The following DPP10 variants were observed in gnomAD, a reference collection of about 807,000 sequenced individuals.
DPP10 encodes dipeptidyl peptidase like 10.
DPP10 carries 33 observed loss-of-function variants against 120.9 expected under a neutral mutation model. The ratio of observed to expected loss-of-function variants is 0.27; its 90% CI spans 0.21 to 0.37. DPP10 has a LOEUF of 0.37. DPP10 is among the 10% of genes least tolerant of loss of function. The pLI, the probability that DPP10 is intolerant of heterozygous loss-of-function variation, is 1.00. For synonymous variants in DPP10, 337 were observed against 326.1 expected (o/e 1.03, Z -0.36); for missense variants, 816 against 942.8 (o/e 0.87, Z 1.76).
chr2:115,095,416 TGAGG>T (rs1709636069), intron 1 of DPP10, among the ~76,000 whole-genome samples: 1 of 152,106 alleles, frequency 6.6e-6, no homozygotes, highest in Non-Finnish European at 1.5e-5. Context: ...TTGGAGCAGG[TGAGG>T]GCAGTGGAGC....
At chr2:115,565,418 T>C (rs533816097) in intron 5 of DPP10, among the ~76,000 whole-genome samples, 21 of 152,322 alleles carry the variant, frequency 1.4e-4, no homozygotes, top group African/African-American at 5.1e-4. Context: ...TGTTTATTTA[T>C]CAATGGCATT....
chr2:115,707,460 A>T (rs372154166), intron 7 of DPP10, among the ~76,000 whole-genome samples: 28 of 140,622 alleles, frequency 2.0e-4, no homozygotes, highest in African/African-American at 6.3e-4. Context: ...ACACACACAC[A>T]CACTCTCTCC....
chr2:115,697,247 TATAA>T (rs573156379), intron 7 of DPP10, among the ~76,000 whole-genome samples: 140 of 152,098 alleles, frequency 9.2e-4, no homozygotes, highest in Non-Finnish European at 1.6e-3. Context: ...TTACTTTAAA[TATAA>T]ATAGATTAAA....
Position 114,678,360 on chromosome 2 carries a change from C to A in DPP10, c.60+235522C>A, listed in dbSNP as rs183870340. ...TCCCTAAATATTGCTTTCACTCTAA[C>A]CCTATATTTCCATAGGAGTTTTTGT... On this transcript the variant is annotated intron_variant, in intron 1 of 25. Coordinates refer to ENST00000410059, the MANE Select transcript of DPP10 (RefSeq NM_020868.6). Among the ~76,000 whole-genome samples, 13 of 152,074 alleles carry A rather than the reference C, an allele frequency of 8.5e-5. No homozygotes were observed. In the East Asian group the frequency reaches 2.5e-3, roughly 30 times the overall value.
intron 3 of DPP10, among the ~76,000 whole-genome samples, chr2:115,375,541 G>A (rs148485685): frequency 0.013 from 1,917 of 152,242 alleles, 38 homozygotes; most frequent in African/African-American, 0.043. Flanking sequence ...CAGTTCCAAA[G>A]TCACTTCCAC....
chr2:115,613,364 T>C (rs529395149), intron 5 of DPP10, among the ~76,000 whole-genome samples: 2 of 152,358 alleles, frequency 1.3e-5, no homozygotes, highest in Non-Finnish European at 2.9e-5. Flanking sequence ...TAGTGTTTCC[T>C]GATTTTTATA....
At chr2:114,672,575 G>T (rs1188629880) in intron 1 of DPP10, among the ~76,000 whole-genome samples, 1 of 152,208 alleles carries the variant, frequency 6.6e-6, no homozygotes, top group Non-Finnish European at 1.5e-5. Context: ...GGCAAGAAAT[G>T]AGAAGGATGT....
chr2:115,069,856 CTA>C (rs985177047), intron 1 of DPP10, among the ~76,000 whole-genome samples: 2 of 150,910 alleles, frequency 1.3e-5, no homozygotes, highest in East Asian at 3.9e-4. Context: ...TCAGGTCTAT[CTA>C]TATATATATG....
intron 1 of DPP10, among the ~76,000 whole-genome samples, chr2:114,661,200 A>G (rs1697377020): frequency 6.6e-6 from 1 of 152,348 alleles, no homozygotes; most frequent in East Asian, 1.9e-4. Context: ...CTAAAATAAT[A>G]TGAATGGCTT....
At chr2:114,907,283 G>A (rs950273105) in intron 1 of DPP10, among the ~76,000 whole-genome samples, 4 of 151,562 alleles carry the variant, frequency 2.6e-5, no homozygotes, top group Admixed American at 2.6e-4. Flanking sequence ...TTTCTCTATT[G>A]TTTTTCTTTT....
rs1690247621 is a variant in DPP10 at position 115,842,400 on chromosome 2, A to G, written c.*55A>G. 6.4e-7 allele frequency: 1 copy of G among 1,569,896 alleles called. No homozygotes were observed. On this transcript the variant is annotated 3_prime_UTR_variant, in exon 26 of 26. Transcript: ENST00000410059. ...ATATTGAGGCTCAATGAAACCTGAC[A>G]AAGAGACTGTAATATTGTAGTTGCT...
intron 1 of DPP10, among the ~76,000 whole-genome samples, chr2:114,545,582 T>C (rs1230198579): frequency 2.0e-5 from 3 of 152,244 alleles, no homozygotes; most frequent in Non-Finnish European, 4.4e-5. Context: ...GGGATTTAGA[T>C]AAAACTTTCT....
intron 5 of DPP10, among the ~76,000 whole-genome samples, chr2:115,598,355 G>A (rs1166760433): frequency 6.6e-6 from 1 of 150,934 alleles, no homozygotes; most frequent in Non-Finnish European, 1.5e-5. Context: ...TCATTTTTTG[G>A]TCCTCTGATC....
chr2:115,485,755 T>C (rs1168010431), intron 3 of DPP10, among the ~76,000 whole-genome samples: 1 of 152,142 alleles, frequency 6.6e-6, no homozygotes, highest in Non-Finnish European at 1.5e-5. Flanking sequence ...ACAACAAAAT[T>C]CTTCAATACT....
intron 1 of DPP10, chr2:114,835,381 A>G (rs920682812): frequency 3.3e-5 from 5 of 152,042 alleles, no homozygotes; most frequent in Admixed American, 6.6e-5. Context: ...CTACACACCT[A>G]TTTATATATA....
At chr2:115,108,372 G>A (rs1231438673) in intron 1 of DPP10, among the ~76,000 whole-genome samples, 1 of 152,076 alleles carries the variant, frequency 6.6e-6, no homozygotes, top group East Asian at 1.9e-4. Context: ...TACGCCCCAC[G>A]CAAAAAGAGA....
At chr2:115,164,890 G>A (rs1573855873) in intron 1 of DPP10, among the ~76,000 whole-genome samples, 1 of 151,994 alleles carries the variant, frequency 6.6e-6, no homozygotes, top group Non-Finnish European at 1.5e-5. Flanking sequence ...TGTATTTTAT[G>A]AATATTCTGA....
intron 2 of DPP10, among the ~76,000 whole-genome samples, chr2:115,337,164 T>C (rs1370046698): frequency 6.6e-6 from 1 of 151,124 alleles, no homozygotes; most frequent in Non-Finnish European, 1.5e-5. Flanking sequence ...AAAAAATTCC[T>C]ACATTTTAGT....
rs535812249 is a variant in DPP10 at position 115,331,188 on chromosome 2, A to G, written c.176-12629A>G. On this transcript the variant is annotated intron_variant, in intron 2 of 25. Transcript: ENST00000410059. Reference sequence around the variant, plus strand: ...TAGGTATTTTATTCTCTTTGAAGCAATTGTGAATGGGAGTTCACTCATGAT... The same window carrying G: ...TAGGTATTTTATTCTCTTTGAAGCAGTTGTGAATGGGAGTTCACTCATGAT... Among the ~76,000 whole-genome samples, 372 of 152,228 alleles carry G rather than the reference A, an allele frequency of 2.4e-3. 1 individual carries two copies. Among genetic ancestry groups the G allele is most frequent in the African/African-American group, 8.1e-3 (337 of 41,540 alleles).
Sources: allele counts gnomAD v4.1 joint callset (sites outside exome capture counted in the v4.1 genomes callset), GRCh38; gene constraint gnomAD v4.1.1; transcripts MANE v1.5; gene names NCBI Gene and HGNC (gene_info 2026-07-23, HGNC 2026-07-21).